LAMA5: variants seen among roughly 807,000 people sequenced by gnomAD.
LAMA5 encodes the protein laminin subunit alpha-5.
LAMA5 carries 260 observed loss-of-function variants against 433.4 expected under a neutral mutation model. That is an observed-to-expected ratio of 0.60 (90% CI 0.54 to 0.66). LAMA5 has a LOEUF of 0.66. Ranked by LOEUF, LAMA5 falls within the 30% of genes least tolerant of loss-of-function variation. LAMA5 has a pLI of 0.00. For synonymous variants in LAMA5, 2,620 were observed against 2,226.6 expected, an observed-to-expected ratio of 1.18 and a Z score of -4.97; for missense variants, 5,378 against 5,258.5, an observed-to-expected ratio of 1.02 and a Z score of -0.70.
intron 51 of LAMA5, chr20:62,319,253 AG>A: frequency 1.8e-6 from 1 of 555,966 alleles, no homozygotes; most frequent in Non-Finnish European, 3.2e-6. Context: ...CCAGCTTCTG[AG>A]CCTTCTCGTC....
intron 1 of LAMA5, among the ~76,000 whole-genome samples, chr20:62,363,566 G>A (rs1265799186): frequency 6.6e-6 from 1 of 152,072 alleles, no homozygotes; most frequent in Non-Finnish European, 1.5e-5. Flanking sequence ...AGAGGGGGCA[G>A]AGCTGGGTCC....
Position 62,345,809 on chromosome 20 carries a change from G to A in LAMA5, c.1477+9C>T. On this transcript the variant is annotated intron_variant, in intron 11 of 79. Coordinates refer to ENST00000252999, the MANE Select transcript of LAMA5 (RefSeq NM_005560.6). Reference sequence around the variant, plus strand: ...AGGCCGGGGACCTGGGGGCCTCAAGGACACTTACTCACAATCTGGCCGGCT... The same window carrying A: ...AGGCCGGGGACCTGGGGGCCTCAAGAACACTTACTCACAATCTGGCCGGCT... 1 of 1,549,336 alleles carries A rather than the reference G, an allele frequency of 6.5e-7. No homozygotes were observed. The highest frequency in any genetic ancestry group is 8.7e-7 in the Non-Finnish European group (1 of 1,145,952).
chr20:62,339,104 G>A (rs555868735), intron 11 of LAMA5, among the ~76,000 whole-genome samples: 5 of 152,040 alleles, frequency 3.3e-5, no homozygotes, highest in African/African-American at 1.2e-4. Context: ...AACAAAGTCA[G>A]GCCAACTATC....
chr20:62,314,185 G>T, intron 62 of LAMA5, 119 bp downstream of exon 62: 3 of 1,284,212 alleles, frequency 2.3e-6, no homozygotes, highest in Non-Finnish European at 3.3e-6. Context: ...GAGAGGCGAG[G>T]GGTGGCGAGT....
chr20:62,319,836 G>C, intron 50 of LAMA5, 41 bp from the exon 51 acceptor site: 1 of 1,480,498 alleles, frequency 6.8e-7, no homozygotes. Context: ...GCTGGTAGGC[G>C]AGGGTCGGGG....
chr20:62,309,725 C>T lies in LAMA5; in HGVS notation c.10939G>A (p.Gly3647Ser). ...TCAAGGCCGCACTCACCAGGCAGGC[C>T]CCCGAGGTACAGAGGGGCTGGGGCA... is the stretch of plus-strand genomic sequence containing the variant. ...AGAPAPLYLG[G>S]LPEPMAVQPW... Residue 3647 changes from glycine to serine, a missense_variant, in exon 79 of 80, where the codon GGC becomes AGC. Coordinates refer to ENST00000252999, the MANE Select transcript of LAMA5 (RefSeq NM_005560.6). The T allele has an allele frequency of 1.3e-6, 2 of 1,595,008 alleles. No homozygotes were observed. The highest frequency in any genetic ancestry group is 1.7e-6 in the Non-Finnish European group (2 of 1,173,572).
chr20:62,315,708 A>C (rs1986865228), intron 58 of LAMA5, among the ~76,000 whole-genome samples: 1 of 151,896 alleles, frequency 6.6e-6, no homozygotes, highest in Non-Finnish European at 1.5e-5. Flanking sequence ...CCTCCCACCT[A>C]TAACTCCATT....
In LAMA5 at chr20:62,327,401, C is replaced by T; in HGVS notation, c.4944G>A (p.Val1648=). 1.3e-6 allele frequency: 2 copies of T among 1,587,840 alleles called. No individual in the cohort carries two copies. Among genetic ancestry groups the T allele is most frequent in the Non-Finnish European group, 1.7e-6 (2 of 1,166,212 alleles). The change falls in exon 38 of 80, where the codon GTG becomes GTA. Residue 1648 remains valine (V), a synonymous_variant. Transcript: ENST00000252999. ...TCAGCAGCACCCATCCCTCCATATC[C>T]ACGAACTGTGGGCACACACGTGTGG... ...RSSSYTRQEF[V]DMEGWVLLST...
rs747479732 is a variant in LAMA5, at chr20:62,309,495, G to A, written c.10949-20C>T. On this transcript the variant is annotated intron_variant, in intron 79 of 79. Transcript: ENST00000252999. ...TGGGCTCTGGGGGCACAGGGAAGATGGAAGAAGGCTGGTTGGTGGGCAGCT... is the reference window on the plus strand; with the variant it reads ...TGGGCTCTGGGGGCACAGGGAAGATAGAAGAAGGCTGGTTGGTGGGCAGCT... 1.9e-5 allele frequency: 30 copies of A among 1,559,924 alleles called. No individual in the cohort carries two copies. In the African/African-American group the frequency reaches 2.4e-4, roughly 13 times the overall value.
chr20:62,338,510 A>G lies in LAMA5; in HGVS notation c.1576T>C (p.Cys526Arg). Residue 526 changes from cysteine (C) to arginine (R), a missense_variant, in exon 12 of 80, where the codon TGT (cysteine) becomes CGT (arginine). Cys to Arg is a radical substitution (Grantham distance 180). Transcript: ENST00000252999. Reference sequence around the variant, plus strand: ...TAGAACCCTGGCGCGCAGAGCTCACAATGGGTGCCTTGGAAGTTGGGTTTG... The same window carrying G: ...TAGAACCCTGGCGCGCAGAGCTCACGATGGGTGCCTTGGAAGTTGGGTTTG... ...LCKPNFQGTH[C>R]ELCAPGFYGP... 1 of 1,609,974 alleles carries G rather than the reference A, an allele frequency of 6.2e-7. No individual in the cohort carries two copies. The highest frequency in any genetic ancestry group is 8.5e-7 in the Non-Finnish European group (1 of 1,179,012).
At chr20:62,362,923 G>T (rs78839200) in intron 1 of LAMA5, among the ~76,000 whole-genome samples, 1 of 152,068 alleles carries the variant, frequency 6.6e-6, no homozygotes, top group Non-Finnish European at 1.5e-5. Context: ...AGCCCTGGGG[G>T]CAGGAAGAGT....
intron 11 of LAMA5, among the ~76,000 whole-genome samples, chr20:62,344,808 T>C (rs1360168204): frequency 1.3e-5 from 2 of 151,586 alleles, no homozygotes; most frequent in Admixed American, 1.3e-4. Context: ...AAAAAGAACC[T>C]AGATTTCCAA....
At chr20:62,317,549 C>A in intron 54 of LAMA5, 50 bp from the exon 55 acceptor site, 1 of 1,524,472 alleles carries the variant, frequency 6.6e-7, no homozygotes, top group East Asian at 2.3e-5. Context: ...GCCACCTGAT[C>A]CACGACCCTG....
chr20:62,336,235 C>T, intron 18 of LAMA5, 105 bp downstream of exon 18: 2 of 790,970 alleles, frequency 2.5e-6, no homozygotes, highest in South Asian at 1.7e-5. Context: ...CTCACTGGCT[C>T]CAGCCCCTCC....
intron 32 of LAMA5, 94 bp downstream of exon 32, chr20:62,329,683 C>T (rs2146178475): frequency 2.0e-6 from 3 of 1,484,312 alleles, no homozygotes; most frequent in East Asian, 2.4e-5. Context: ...CCTCAGCAGG[C>T]CCAGAAGAGA....
Position 62,337,628 on chromosome 20 carries a change from G to GT in LAMA5, c.2125dup (p.Thr709AsnfsTer31), listed in dbSNP as rs1194912391. The GT allele has an allele frequency of 4.3e-6, 7 of 1,611,826 alleles. No individual in the cohort carries two copies. The highest frequency in any genetic ancestry group is 5.9e-6 in the Non-Finnish European group (7 of 1,179,660). ...GAAGTTGTAGGCACCGGGCACACAT[G>GT]TGTCACACCGCAGCCCCGTCACACG... is the stretch of plus-strand genomic sequence containing the variant. On this transcript the variant is annotated frameshift_variant, in exon 16 of 80. Coordinates refer to ENST00000252999, the MANE Select transcript of LAMA5 (RefSeq NM_005560.6). LOFTEE classifies it high-confidence loss of function.
intron 1 of LAMA5, among the ~76,000 whole-genome samples, chr20:62,364,787 T>C (rs1986538788): frequency 6.6e-6 from 1 of 152,244 alleles, no homozygotes; most frequent in Non-Finnish European, 1.5e-5. Context: ...CCATCTGGGA[T>C]GCCCAGCTAA....
intron 55 of LAMA5, 140 bp from the exon 56 acceptor site, chr20:62,317,163 C>T: frequency 2.5e-6 from 3 of 1,202,242 alleles, no homozygotes; most frequent in Non-Finnish European, 3.4e-6. Context: ...GTGCCTGTCG[C>T]CTGCTGGGTG....
Position 62,367,072 on chromosome 20 carries a change from G to A in LAMA5, c.174C>T (p.Ile58=). The A allele has an allele frequency of 7.9e-7, 1 of 1,262,082 alleles. No individual in the cohort carries two copies. 78.2% of individuals were successfully genotyped at this position (1,262,082 alleles called of 1,614,324 possible). The part of the protein sequence containing the change: ...PYFNLAEGAR[I]AASATCGEEA... ...CCTCTCCGCAGGTCGCGGAGGCGGC[G>A]ATGCGGGCGCCCTCGGCCAGGTTGA... The change falls in exon 1 of 80, where the codon ATC becomes ATT. Residue 58 remains isoleucine (I), a synonymous_variant. Coordinates refer to ENST00000252999, the MANE Select transcript of LAMA5 (RefSeq NM_005560.6).
Sources: gnomAD v4.1 joint callset for allele counts (sites outside exome capture counted in the v4.1 genomes callset) on GRCh38, gnomAD v4.1.1 for gene constraint, MANE v1.5 for transcripts, NCBI Gene and HGNC (gene_info 2026-07-23, HGNC 2026-07-21) for gene names.